The following SHTN1 variants were observed in gnomAD, a reference collection of about 807,000 sequenced individuals.
The protein encoded by SHTN1 is shootin 1.
SHTN1 carries 42 observed loss-of-function variants against 83.1 expected under a neutral mutation model. That is an observed-to-expected ratio of 0.51 (90% CI 0.39 to 0.65). The LOEUF (loss-of-function observed/expected upper bound fraction) is 0.65, where lower values mean the gene tolerates loss of function less well. Among genes scored for constraint, SHTN1 ranks in the 30% least tolerant of loss-of-function variants. The pLI, the probability that SHTN1 is intolerant of heterozygous loss-of-function variation, is 0.00. For synonymous variants in SHTN1, 224 were observed against 247.7 expected, an observed-to-expected ratio of 0.90 and a Z score of 0.90; for missense variants, 622 against 737.8, an observed-to-expected ratio of 0.84 and a Z score of 1.82.
At chr10:117,041,728 A>G (rs1472484634) in intron 2 of SHTN1, among the ~76,000 whole-genome samples, 2 of 152,078 alleles carry the variant, frequency 1.3e-5, no homozygotes, top group African/African-American at 4.8e-5. Flanking sequence ...CATTGTCATA[A>G]ATATCTACCG....
intron 12 of SHTN1, among the ~76,000 whole-genome samples, chr10:116,916,165 C>T (rs1013997301): frequency 6.6e-6 from 1 of 151,990 alleles, no homozygotes; most frequent in Non-Finnish European, 1.5e-5. Flanking sequence ...TATTGTTTAA[C>T]GTTGCCACTA....
At chr10:117,037,086 G>A (rs942732407) in intron 2 of SHTN1, among the ~76,000 whole-genome samples, 7 of 152,100 alleles carry the variant, frequency 4.6e-5, no homozygotes, top group East Asian at 1.9e-4. Flanking sequence ...GTTAATATAC[G>A]AAAGTCAATC....
intron 2 of SHTN1, among the ~76,000 whole-genome samples, chr10:117,042,642 GTC>G (rs1746354849): frequency 6.7e-6 from 1 of 148,990 alleles, no homozygotes. Context: ...TTTTTTTTGA[GTC>G]TCTCTCTGCT....
At chr10:116,919,948 T>C (rs1449289557) in intron 12 of SHTN1, among the ~76,000 whole-genome samples, 1 of 152,164 alleles carries the variant, frequency 6.6e-6, no homozygotes, top group African/African-American at 2.4e-5. Flanking sequence ...CAAACTTCAA[T>C]TCATTCAATA....
intron 16 of SHTN1, among the ~76,000 whole-genome samples, chr10:116,895,012 ACAAACT>A (rs1847466449): frequency 6.6e-6 from 1 of 152,192 alleles, no homozygotes; most frequent in Non-Finnish European, 1.5e-5. Context: ...ATGGATAAAC[ACAAACT>A]CAAAGGTGTT....
intron 2 of SHTN1, among the ~76,000 whole-genome samples, chr10:117,029,637 C>G (rs1452101388): frequency 2.0e-5 from 3 of 152,098 alleles, no homozygotes; most frequent in Admixed American, 2.0e-4. Context: ...ATAGTGAGTG[C>G]TCGTGAGCTC....
At chr10:117,098,079 T>C (rs1853532083) in intron 1 of SHTN1, among the ~76,000 whole-genome samples, 1 of 151,978 alleles carries the variant, frequency 6.6e-6, no homozygotes, top group Non-Finnish European at 1.5e-5. Flanking sequence ...AAGAAGGCAC[T>C]CCTGGTGTGC....
intron 9 of SHTN1, among the ~76,000 whole-genome samples, chr10:116,937,802 T>G (rs1455893849): frequency 6.6e-6 from 1 of 152,150 alleles, no homozygotes; most frequent in Non-Finnish European, 1.5e-5. Flanking sequence ...AGTACACCAA[T>G]CAAACGTAGG....
intron 1 of SHTN1, among the ~76,000 whole-genome samples, chr10:117,001,172 A>C (rs1047736521): frequency 6.6e-6 from 1 of 152,066 alleles, no homozygotes; most frequent in African/African-American, 2.4e-5. Flanking sequence ...ATAAAGCCCC[A>C]AAAAAGACAA....
intron 15 of SHTN1, 116 bp from the exon 16 acceptor site, chr10:116,902,073 A>C: frequency 1.1e-6 from 1 of 870,014 alleles, no homozygotes; most frequent in Non-Finnish European, 1.7e-6. Flanking sequence ...AAGTTTGTTA[A>C]AATTTCAAGA....
chr10:117,099,919 T>C (rs1853563439), intron 1 of SHTN1, among the ~76,000 whole-genome samples: 2 of 152,046 alleles, frequency 1.3e-5, no homozygotes, highest in African/African-American at 4.8e-5. Flanking sequence ...GGCTCACACC[T>C]GTAATCCCAG....
At chr10:116,958,810 A>G (rs1429452557) in intron 4 of SHTN1, among the ~76,000 whole-genome samples, 1 of 152,256 alleles carries the variant, frequency 6.6e-6, no homozygotes, top group African/African-American at 2.4e-5. Context: ...TACACTCCAG[A>G]GAACAAAATT....
chr10:116,939,829 G>A (rs1004340119), intron 9 of SHTN1, among the ~76,000 whole-genome samples: 11 of 152,222 alleles, frequency 7.2e-5, no homozygotes, highest in Middle Eastern at 3.4e-3. Context: ...TTTCTTAAGT[G>A]GTCTCTTTAA....
At chr10:116,953,893 T>C in intron 5 of SHTN1, 149 bp downstream of exon 5, 2 of 584,502 alleles carry the variant, frequency 3.4e-6, no homozygotes, top group Non-Finnish European at 2.7e-6. Context: ...CCTCCCAAAG[T>C]GCTAGGATTA....
At chr10:117,096,376 A>G (rs1853503575) in intron 1 of SHTN1, among the ~76,000 whole-genome samples, 1 of 152,248 alleles carries the variant, frequency 6.6e-6, no homozygotes, top group African/African-American at 2.4e-5. Context: ...AAGACCATAT[A>G]TCCTTTGGAG....
intron 1 of SHTN1, among the ~76,000 whole-genome samples, chr10:117,083,739 T>A (rs1853306970): frequency 6.6e-6 from 1 of 152,198 alleles, no homozygotes; most frequent in African/African-American, 2.4e-5. Context: ...TCGTTTCTTT[T>A]TATTCTTTTT....
chr10:116,881,756 T>A lies in SHTN1; in HGVS notation c.*4588A>T. ...TACGGCGCCGTGTCTCCACATGGAG[T>A]TTCCTCTTCAACTTCACCAACTCTT... is the stretch of plus-strand genomic sequence containing the variant. On this transcript the variant is annotated 3_prime_UTR_variant, in exon 17 of 17. Coordinates refer to ENST00000355371, the MANE Select transcript of SHTN1 (RefSeq NM_001127211.3). 9.6e-7 allele frequency: 1 copy of A among 1,046,924 alleles called. No homozygotes were observed. The highest frequency in any genetic ancestry group is 1.3e-6 in the Non-Finnish European group (1 of 789,564). The allele number at this position is 1,046,924 out of a possible 1,614,324, so 64.9% of individuals were successfully genotyped here. A position where few individuals can be genotyped will look rare whatever the true frequency, so the allele number is the denominator to read the frequency against.
At chr10:117,099,235 G>T (rs1356522137) in intron 1 of SHTN1, among the ~76,000 whole-genome samples, 1 of 151,976 alleles carries the variant, frequency 6.6e-6, no homozygotes, top group Non-Finnish European at 1.5e-5. Flanking sequence ...CTCAGGGTGG[G>T]GAGGTAAGGA....
chr10:116,927,842 T>C lies in SHTN1; in HGVS notation c.1062A>G (p.Pro354=), dbSNP rs756425280. The C allele has an allele frequency of 5.0e-6, 8 of 1,610,554 alleles. 1 individual carries two copies. In the South Asian group the frequency reaches 8.8e-5, roughly 18 times the overall value. Reference sequence around the variant, plus strand: ...GAAGTGGTGGTGGAGGAGGAGGTGGTGGAGGTACTGAATTCTCAGACTGGT... The same window carrying C: ...GAAGTGGTGGTGGAGGAGGAGGTGGCGGAGGTACTGAATTCTCAGACTGGT... The part of the protein sequence containing the change: ...RVNQSENSVP[P]PPPPPPPLPP... Residue 354 remains proline, a synonymous_variant, in exon 11 of 17, where the codon CCA becomes CCG. Transcript: ENST00000355371.
Sources: allele counts gnomAD v4.1 joint callset (sites outside exome capture counted in the v4.1 genomes callset), GRCh38; gene constraint gnomAD v4.1.1; transcripts MANE v1.5; gene names NCBI Gene and HGNC (gene_info 2026-07-23, HGNC 2026-07-21).